The following C3orf20 variants were observed in gnomAD, a reference collection of about 807,000 sequenced individuals.
The protein encoded by C3orf20 is uncharacterized protein C3orf20.
A neutral mutation model predicts 88.3 loss-of-function variants in C3orf20; 76 were observed. That is an observed-to-expected ratio of 0.86 (90% CI 0.72 to 1.04). The LOEUF is 1.04. Among genes scored for constraint, C3orf20 ranks in the 50% least tolerant of loss-of-function variants. The pLI, the probability that C3orf20 is intolerant of heterozygous loss-of-function variation, is 0.00. For missense variants in C3orf20, 1,056 were observed against 1,123.3 expected, an observed-to-expected ratio of 0.94 and a Z score of 0.86; for synonymous variants, 436 against 437.4, an observed-to-expected ratio of 1.00 and a Z score of 0.04.
chr3:14,759,952 C>T lies in C3orf20; in HGVS notation c.2306C>T (p.Pro769Leu). 6.2e-7 allele frequency: 1 copy of T among 1,614,150 alleles called. No individual in the cohort carries two copies. Among genetic ancestry groups the T allele is most frequent in the Non-Finnish European group, 8.5e-7 (1 of 1,179,998 alleles). Residue 769 changes from proline to leucine, a missense_variant, in exon 14 of 17, where the codon CCT (proline) becomes CTT (leucine). Coordinates refer to ENST00000253697, the MANE Select transcript of C3orf20 (RefSeq NM_032137.5). Reference sequence around the variant, plus strand: ...CTGGACAGCCCCCTGCAGGAGGACCCTCCCCTGATGGTGAAGAAGAACTCT... The same window carrying T: ...CTGGACAGCCCCCTGCAGGAGGACCTTCCCCTGATGGTGAAGAAGAACTCT... The part of the protein sequence containing the change: ...YDLDSPLQED[P>L]PLMVKKNSVV...
intron 12 of C3orf20, among the ~76,000 whole-genome samples, chr3:14,748,040 A>C (rs1251346432): frequency 6.6e-6 from 1 of 151,826 alleles, no homozygotes; most frequent in Non-Finnish European, 1.5e-5. Context: ...GAGTTTGAGA[A>C]AGTTTTGGTG....
intron 12 of C3orf20, among the ~76,000 whole-genome samples, chr3:14,742,145 A>T (rs565360476): frequency 6.6e-6 from 1 of 152,362 alleles, no homozygotes; most frequent in African/African-American, 2.4e-5. Context: ...AATTGCCATT[A>T]CGTTTAATGA....
intron 9 of C3orf20, among the ~76,000 whole-genome samples, chr3:14,720,462 G>C (rs2034112881): frequency 6.6e-6 from 1 of 152,174 alleles, no homozygotes; most frequent in Non-Finnish European, 1.5e-5. Flanking sequence ...AACTCAAAAG[G>C]AAGTTAAGCG....
In C3orf20 at chr3:14,761,743, G is replaced by T. The variant is rs923745960; in HGVS notation, c.2495+128G>T. 11 of 814,264 alleles carry T rather than the reference G, an allele frequency of 1.4e-5. No individual in the cohort carries two copies. In the Admixed American group the frequency reaches 2.3e-4, roughly 17 times the overall value. 50.4% of individuals were successfully genotyped at this position (814,264 alleles called of 1,614,324 possible). A position where few individuals can be genotyped will look rare whatever the true frequency, so the allele number is the denominator to read the frequency against. On this transcript the variant is annotated intron_variant, in intron 15 of 16. Transcript: ENST00000253697. ...CTGAAGGGATGGAGTGGGGAGGGGGGCTGGAGGTGGGAAGCCTCCACCTGT... is the reference window on the plus strand; with the variant it reads ...CTGAAGGGATGGAGTGGGGAGGGGGTCTGGAGGTGGGAAGCCTCCACCTGT...
intron 7 of C3orf20, among the ~76,000 whole-genome samples, chr3:14,711,627 CTTTTTT>C (rs35966332): frequency 2.5e-4 from 18 of 72,624 alleles, no homozygotes; most frequent in African/African-American, 7.7e-4. Context: ...ATCCTGCCAG[CTTTTTT>C]TTTTTTTTTT....
chr3:14,759,879 C>G lies in C3orf20; in HGVS notation c.2245-12C>G. ...ATGGGGGTGACCAGTTCTCATATTT[C>G]TCTCCTGGTAGTGCCGGTATGACTC... On this transcript the variant is annotated splice_polypyrimidine_tract_variant and intron_variant, in intron 13 of 16. Coordinates refer to ENST00000253697, the MANE Select transcript of C3orf20 (RefSeq NM_032137.5). The G allele has an allele frequency of 6.2e-7, 1 of 1,606,672 alleles. No individual in the cohort carries two copies. Among genetic ancestry groups the G allele is most frequent in the Non-Finnish European group, 8.5e-7 (1 of 1,173,230 alleles).
chr3:14,725,091 A>G (rs17040230), intron 10 of C3orf20, among the ~76,000 whole-genome samples: 6,680 of 152,336 alleles, frequency 0.044, 226 homozygotes, highest in African/African-American at 0.1. Context: ...AAGCATGTGT[A>G]CTATGTATGA....
intron 10 of C3orf20, 95 bp from the exon 11 acceptor site, chr3:14,726,806 T>G (rs2034365125): frequency 6.4e-7 from 1 of 1,556,700 alleles, no homozygotes; most frequent in Non-Finnish European, 8.7e-7. Context: ...CAATAGCACA[T>G]CCTCTGAACC....
chr3:14,721,299 A>G (rs2034152458), intron 9 of C3orf20, among the ~76,000 whole-genome samples: 1 of 152,252 alleles, frequency 6.6e-6, no homozygotes, highest in Admixed American at 6.5e-5. Context: ...TGTCTGATTC[A>G]GGGATAAAGG....
chr3:14,742,741 T>C (rs141155480), intron 12 of C3orf20, among the ~76,000 whole-genome samples: 4,270 of 151,444 alleles, frequency 0.028, 88 homozygotes, highest in East Asian at 0.12. Context: ...TCCACATGGC[T>C]AGGGAGGCCT....
chr3:14,756,905 T>C (rs1486146430), intron 12 of C3orf20, among the ~76,000 whole-genome samples: 1 of 152,166 alleles, frequency 6.6e-6, no homozygotes, highest in East Asian at 1.9e-4. Flanking sequence ...TCCCTTGGTC[T>C]GAGAACAGAC....
At chr3:14,715,155 A>G in intron 8 of C3orf20, 134 bp from the exon 9 acceptor site, 5 of 1,106,100 alleles carry the variant, frequency 4.5e-6, no homozygotes, top group Non-Finnish European at 6.3e-6. Flanking sequence ...TGGGGAAAGT[A>G]AGGTTGACTG....
chr3:14,690,640 A>G (rs1436451405), intron 5 of C3orf20, among the ~76,000 whole-genome samples: 1 of 152,258 alleles, frequency 6.6e-6, no homozygotes, highest in African/African-American at 2.4e-5. Flanking sequence ...GGCTTCAGGA[A>G]GAGAACAGGT....
At chr3:14,726,168 G>A (rs1468318954) in intron 10 of C3orf20, among the ~76,000 whole-genome samples, 2 of 152,272 alleles carry the variant, frequency 1.3e-5, no homozygotes, top group Non-Finnish European at 1.5e-5. Context: ...TTGACGGTCT[G>A]AAGGAAGGCA....
chr3:14,677,082 G>C (rs1216483054), intron 1 of C3orf20, among the ~76,000 whole-genome samples: 6 of 152,126 alleles, frequency 3.9e-5, no homozygotes, highest in African/African-American at 1.4e-4. Context: ...CTCACAAATT[G>C]CAGTCACGCG....
chr3:14,719,130 T>G (rs529862899), intron 9 of C3orf20, among the ~76,000 whole-genome samples: 137 of 151,870 alleles, frequency 9.0e-4, no homozygotes, highest in African/African-American at 3.0e-3. Context: ...TCATTGTTTT[T>G]TTTTTTTTTT....
intron 12 of C3orf20, among the ~76,000 whole-genome samples, chr3:14,756,119 A>G (rs2035363668): frequency 6.6e-6 from 1 of 150,738 alleles, no homozygotes; most frequent in Non-Finnish European, 1.5e-5. Context: ...AACCAAGACA[A>G]TGTCTATTCC....
At chr3:14,721,210 C>T (rs61041773) in intron 9 of C3orf20, among the ~76,000 whole-genome samples, 1,722 of 152,300 alleles carry the variant, frequency 0.011, 25 homozygotes, top group African/African-American at 0.038. Flanking sequence ...GGCTTTCCGG[C>T]GCTTCCTGCC....
Position 14,772,121 on chromosome 3 carries a change from G to A in C3orf20, c.2550G>A (p.Glu850=), listed in dbSNP as rs2125050260. The change falls in exon 16 of 17, where the codon GAG becomes GAA. Residue 850 remains glutamate (E), a synonymous_variant. Coordinates refer to ENST00000253697, the MANE Select transcript of C3orf20 (RefSeq NM_032137.5). The surrounding 1 kb of genome is among the most constrained non-coding windows in gnomAD (Gnocchi z 4.2). ...ATTCTGAATCAGTCAAGAAAGCCGA[G>A]TCAGAAGATATCCAAGGAAGCAGCT... ...LEDSESVKKA[E]SEDIQGSSSS... is the part of the protein sequence containing the mutation. 1.2e-6 allele frequency: 2 copies of A among 1,614,240 alleles called. No homozygotes were observed. Among genetic ancestry groups the A allele is most frequent in the African/African-American group, 1.3e-5 (1 of 75,068 alleles).
Sources: allele counts gnomAD v4.1 joint callset (sites outside exome capture counted in the v4.1 genomes callset), GRCh38; gene constraint gnomAD v4.1.1; non-coding constraint Gnocchi (gnomAD v3.1); transcripts MANE v1.5; gene names NCBI Gene and HGNC (gene_info 2026-07-23, HGNC 2026-07-21).